KCNT1: variants seen among roughly 807,000 people sequenced by gnomAD.
The protein encoded by KCNT1 is potassium channel subfamily T member 1.
Under a neutral mutation model 147.8 loss-of-function variants are expected in KCNT1, and 78 were observed. That is an observed-to-expected ratio of 0.53 (90% CI 0.44 to 0.64). KCNT1 has a LOEUF of 0.64. Ranked by LOEUF, KCNT1 falls within the 30% of genes least tolerant of loss-of-function variation. KCNT1 has a pLI of 0.00. For missense variants in KCNT1, 1,419 were observed against 1,750.3 expected, an observed-to-expected ratio of 0.81 and a Z score of 3.38; for synonymous variants, 867 against 748.8, an observed-to-expected ratio of 1.16 and a Z score of -2.58.
chr9:135,750,467 ACCAT>A, intron 3 of KCNT1: 1 of 518,138 alleles, frequency 1.9e-6, no homozygotes, highest in Non-Finnish European at 3.5e-6. Flanking sequence ...GTGGGGCAGG[ACCAT>A]CCATAGGTGC....
At chr9:135,758,871 G>A (rs781072252) in intron 10 of KCNT1, among the ~76,000 whole-genome samples, 45 of 152,336 alleles carry the variant, frequency 3.0e-4, no homozygotes, top group East Asian at 2.1e-3. Flanking sequence ...GTAAAGGTGG[G>A]GGTGCCCAGA....
Position 135,702,217 on chromosome 9 carries a change from C to T in KCNT1, c.-42C>T. On this transcript the variant is annotated 5_prime_UTR_variant, in exon 1 of 31. Transcript: ENST00000371757. ...CGCGAGGGAAGAAGGTGGCGGCTCCCACTCGCTTCTCCCTCGGGTCGGGTC... is the reference window on the plus strand; with the variant it reads ...CGCGAGGGAAGAAGGTGGCGGCTCCTACTCGCTTCTCCCTCGGGTCGGGTC... 2.1e-6 allele frequency: 3 copies of T among 1,422,210 alleles called. No homozygotes were observed. Among genetic ancestry groups the T allele is most frequent in the Non-Finnish European group, 2.0e-6 (2 of 1,018,244 alleles). 88.1% of individuals were successfully genotyped at this position (1,422,210 alleles called of 1,614,324 possible).
rs777914546 is a variant in KCNT1 at position 135,786,208 on chromosome 9, G to A, written c.3189G>A (p.Ser1063=). 2.3e-5 allele frequency: 37 copies of A among 1,596,358 alleles called. No homozygotes were observed. Among genetic ancestry groups the A allele is most frequent in the Middle Eastern group, 3.3e-4 (2 of 6,042 alleles). ...CCTGCCCTGCCCAGTCCCAGATCTC[G>A]GTGAACGTGGAGGACTGTGAGGACA... is the stretch of plus-strand genomic sequence containing the variant. The part of the protein sequence containing the change: ...PHDLRAQSQI[S]VNVEDCEDTR... The change falls in exon 29 of 31, where the codon TCG becomes TCA. Residue 1063 remains serine, a synonymous_variant. Transcript: ENST00000371757.
chr9:135,786,871 G>A (rs1834097935), intron 29 of KCNT1, among the ~76,000 whole-genome samples: 1 of 152,248 alleles, frequency 6.6e-6, no homozygotes, highest in Non-Finnish European at 1.5e-5. Context: ...ATTAGAGACA[G>A]GAGCTGGCTG....
At chr9:135,709,733 T>C (rs1835412614) in intron 1 of KCNT1, among the ~76,000 whole-genome samples, 1 of 152,198 alleles carries the variant, frequency 6.6e-6, no homozygotes, top group African/African-American at 2.4e-5. Flanking sequence ...CAGGCTGGAG[T>C]GCAGTGGTGC....
intron 14 of KCNT1, 40 bp from the exon 15 acceptor site, chr9:135,768,789 G>A (rs760897268): frequency 8.2e-6 from 13 of 1,578,874 alleles, no homozygotes; most frequent in South Asian, 6.8e-5. Flanking sequence ...AGCCCACAGA[G>A]GCCAGCCCGT....
rs1384398108 is a variant in KCNT1 at position 135,728,537 on chromosome 9, C to T, written c.254+13817C>T. Among the ~76,000 whole-genome samples, 11 of 152,344 alleles carry T rather than the reference C, an allele frequency of 7.2e-5. No homozygotes were observed. In the East Asian group the frequency reaches 1.9e-3, roughly 27 times the overall value. ...CCCTGATTAGGTCTCCCAAGACTCA[C>T]GCCCTGTTCCGGGGGAACAGGAAGT... On this transcript the variant is annotated intron_variant, in intron 2 of 30. Coordinates refer to ENST00000371757, the MANE Select transcript of KCNT1 (RefSeq NM_020822.3).
At chr9:135,750,898 C>A in intron 3 of KCNT1, 44 bp from the exon 4 acceptor site, 2 of 1,582,792 alleles carry the variant, frequency 1.3e-6, no homozygotes, top group Non-Finnish European at 1.7e-6. Context: ...CTCCCCGAAG[C>A]CCAGAGCTGG....
At chr9:135,762,524 G>T (rs1011068689) in intron 11 of KCNT1, among the ~76,000 whole-genome samples, 6 of 152,136 alleles carry the variant, frequency 3.9e-5, no homozygotes, top group African/African-American at 1.4e-4. Context: ...GAGGTGGGTA[G>T]ATCACTTGAG....
intron 2 of KCNT1, among the ~76,000 whole-genome samples, chr9:135,720,053 G>T (rs542026933): frequency 6.6e-6 from 1 of 152,142 alleles, no homozygotes; most frequent in African/African-American, 2.4e-5. Context: ...GCGGGCCTGC[G>T]TGGAGGATGG....
At chr9:135,740,503 C>T (rs1830518209) in intron 2 of KCNT1, among the ~76,000 whole-genome samples, 1 of 152,216 alleles carries the variant, frequency 6.6e-6, no homozygotes, top group Admixed American at 6.5e-5. Context: ...GAGACTGCTC[C>T]TTATGGGCAC....
At chr9:135,748,678 G>C (rs546604236) in intron 2 of KCNT1, among the ~76,000 whole-genome samples, 1 of 152,226 alleles carries the variant, frequency 6.6e-6, no homozygotes, top group Non-Finnish European at 1.5e-5. Context: ...CCTCCTCCAC[G>C]CAGCCGTCCA....
intron 6 of KCNT1, among the ~76,000 whole-genome samples, chr9:135,756,474 A>C (rs1343019978): frequency 6.6e-6 from 1 of 152,122 alleles, no homozygotes; most frequent in Non-Finnish European, 1.5e-5. Context: ...CATGTTCCAG[A>C]GGGGTCAGTA....
intron 24 of KCNT1, among the ~76,000 whole-genome samples, 181 bp from the exon 25 acceptor site, chr9:135,783,843 C>T (rs1024394680): frequency 2.6e-5 from 4 of 152,244 alleles, no homozygotes; most frequent in East Asian, 1.9e-4. Flanking sequence ...TCAGGCCTGC[C>T]GGTGTATGCA....
chr9:135,728,946 A>G (rs1465645444), intron 2 of KCNT1, among the ~76,000 whole-genome samples: 1 of 152,182 alleles, frequency 6.6e-6, no homozygotes, highest in Non-Finnish European at 1.5e-5. Flanking sequence ...TGTGTCCCCC[A>G]AGATTTATAT....
At chr9:135,776,601 C>T (rs1833186394) in intron 20 of KCNT1, among the ~76,000 whole-genome samples, 1 of 152,186 alleles carries the variant, frequency 6.6e-6, no homozygotes, top group Admixed American at 6.5e-5. Flanking sequence ...AATCTCTCTC[C>T]AGCTGTGTGT....
At chr9:135,789,340 C>G (rs989189307) in intron 29 of KCNT1, 1 of 152,242 alleles carries the variant, frequency 6.6e-6, no homozygotes. Context: ...GAGCTGCACC[C>G]CCATGTTTAG....
chr9:135,784,975 G>A (rs1833928788), intron 27 of KCNT1, 86 bp downstream of exon 27: 2 of 1,550,364 alleles, frequency 1.3e-6, no homozygotes, highest in Admixed American at 1.8e-5. Flanking sequence ...GGCTGGGACT[G>A]TGGCAGCCCC....
intron 13 of KCNT1, 172 bp from the exon 14 acceptor site, chr9:135,768,438 C>T (rs982511036): frequency 6.9e-6 from 4 of 578,470 alleles, no homozygotes; most frequent in Non-Finnish European, 3.1e-6. Context: ...CTTCCATCCT[C>T]CCCGCCTTCC....
Sources: allele counts gnomAD v4.1 joint callset (sites outside exome capture counted in the v4.1 genomes callset), GRCh38; gene constraint gnomAD v4.1.1; transcripts MANE v1.5; gene names NCBI Gene and HGNC (gene_info 2026-07-23, HGNC 2026-07-21).